The following CAV2 variants were observed in gnomAD, a reference collection of about 807,000 sequenced individuals.
CAV2 encodes the protein caveolin 2.
A neutral mutation model predicts 15.5 loss-of-function variants in CAV2; 7 were observed. That is an observed-to-expected ratio of 0.45 (90% CI 0.26 to 0.85). The LOEUF (loss-of-function observed/expected upper bound fraction) is 0.85, where lower values mean the gene tolerates loss of function less well. CAV2 is among the 40% of genes least tolerant of loss of function. The pLI is 0.18. For synonymous variants in CAV2, 76 were observed against 83.1 expected, an observed-to-expected ratio of 0.91 and a Z score of 0.46; for missense variants, 229 against 208.8, an observed-to-expected ratio of 1.10 and a Z score of -0.60.
rs1246086624 is a variant in CAV2 at position 116,500,532 on chromosome 7, A to T, written c.338+85A>T. 4 of 1,366,112 alleles carry T rather than the reference A, an allele frequency of 2.9e-6. No homozygotes were observed. The East Asian group carries it at 9.3e-5, about 32-fold the overall frequency. 84.6% of individuals were successfully genotyped at this position (1,366,112 alleles called of 1,614,324 possible). A position where few individuals can be genotyped will look rare whatever the true frequency, so the allele number is the denominator to read the frequency against. On this transcript the variant is annotated intron_variant, in intron 2 of 2. Transcript: ENST00000222693. ...CTGCCCCCTACTCTCCTCTTATCCC[A>T]GGCCGGCGTCAGGAGGAGGAACGCG...
intron 2 of CAV2, among the ~76,000 whole-genome samples, chr7:116,501,640 G>A (rs1240456137): frequency 6.6e-6 from 1 of 152,168 alleles, no homozygotes; most frequent in Non-Finnish European, 1.5e-5. Context: ...AGCCTTATCA[G>A]GGCAGCTGGC....
intron 2 of CAV2, among the ~76,000 whole-genome samples, chr7:116,504,050 GAGAAAGAA>G (rs71773582): frequency 1.3e-5 from 2 of 150,702 alleles, no homozygotes; most frequent in East Asian, 1.9e-4. Flanking sequence ...AAGAAAGAAA[GAGAAAGAA>G]AGAAAGAAGG....
At position 116,499,837 on chromosome 7, in the gene CAV2, A is replaced by C; in HGVS notation, c.56A>C (p.Tyr19Ser). 1 of 1,606,944 alleles carries C rather than the reference A, an allele frequency of 6.2e-7. No homozygotes were observed. Among genetic ancestry groups the C allele is most frequent in the Non-Finnish European group, 8.5e-7 (1 of 1,177,738 alleles). The part of the protein sequence containing the change: ...DVQLFMDDDS[Y>S]SHHSGLEYAD... ...CAGCTCTTCATGGACGACGACTCCT[A>C]CAGCCACCACAGCGGCCTCGAGTAC... Residue 19 changes from tyrosine to serine, a missense_variant, in exon 1 of 3, where the codon TAC becomes TCC. Physicochemically the swap from Tyr to Ser is moderately radical, Grantham distance 144 (BLOSUM62 -2). Transcript: ENST00000222693.
chr7:116,505,941 T>C (rs1190116584), intron 2 of CAV2, 30 bp from the exon 3 acceptor site: 2 of 1,528,494 alleles, frequency 1.3e-6, no homozygotes, highest in African/African-American at 2.7e-5. Context: ...ACAGCAACAA[T>C]CCTCACACAT....
At chr7:116,502,770 A>T (rs1793134383) in intron 2 of CAV2, among the ~76,000 whole-genome samples, 1 of 152,218 alleles carries the variant, frequency 6.6e-6, no homozygotes, top group Non-Finnish European at 1.5e-5. Flanking sequence ...ACAATAAAAC[A>T]CAGAAGTCTG....
rs1298781636 is a variant in CAV2, at chr7:116,507,205, CAG to C, written c.*1085_*1086del. 3.9e-5 allele frequency: 6 copies of C among 152,542 alleles called. No homozygotes were observed. The highest frequency in any genetic ancestry group is 6.5e-5 in the Admixed American group (1 of 15,274). The allele number at this position is 152,542 out of a possible 1,614,324, so 9.4% of individuals were successfully genotyped here. On this transcript the variant is annotated 3_prime_UTR_variant, in exon 3 of 3. Coordinates refer to ENST00000222693, the MANE Select transcript of CAV2 (RefSeq NM_001233.5). ...AACTACAGTGATTCATGTAGAGAGACAGGGGAGTTGTCAACTTGGGCTACTGA... is the reference window on the plus strand; with the variant it reads ...AACTACAGTGATTCATGTAGAGAGACGGGAGTTGTCAACTTGGGCTACTGA...
chr7:116,503,496 G>A (rs1361667789), intron 2 of CAV2, among the ~76,000 whole-genome samples: 1 of 152,212 alleles, frequency 6.6e-6, no homozygotes, highest in African/African-American at 2.4e-5. Context: ...AGGAGTCACG[G>A]AGATAGAAAA....
chr7:116,501,350 C>G (rs1793100242), intron 2 of CAV2: 1 of 152,222 alleles, frequency 6.6e-6, no homozygotes, highest in African/African-American at 2.4e-5. Context: ...AGTTGTCACG[C>G]TAGTGCTTCA....
Position 116,505,841 on chromosome 7 carries a change from A to G in CAV2, c.339-130A>G, listed in dbSNP as rs1793222085. On this transcript the variant is annotated intron_variant, in intron 2 of 2. Transcript: ENST00000222693. ...AAATCATTATCAGTGATCATTGTTC[A>G]TTTATTTGTTTCAAACTCTCAACCA... The G allele has an allele frequency of 2.1e-5, 13 of 613,704 alleles. No individual in the cohort carries two copies. The Admixed American group carries it at 4.1e-4, about 19-fold the overall frequency. 38.0% of individuals were successfully genotyped at this position (613,704 alleles called of 1,614,324 possible). A position where few individuals can be genotyped will look rare whatever the true frequency, so the allele number is the denominator to read the frequency against.
chr7:116,505,011 G>T lies in CAV2; in HGVS notation c.339-960G>T, dbSNP rs543152417. Among the ~76,000 whole-genome samples, 3 of 152,176 alleles carry T rather than the reference G, an allele frequency of 2.0e-5. No individual in the cohort carries two copies. In the East Asian group the frequency reaches 5.8e-4, roughly 29 times the overall value. On this transcript the variant is annotated intron_variant, in intron 2 of 2. Coordinates refer to ENST00000222693, the MANE Select transcript of CAV2 (RefSeq NM_001233.5). ...TATGTTAGCTCAACCATTTACTAAGGGTCAAGGATGTCCTCACTGTTTAAA... is the reference window on the plus strand; with the variant it reads ...TATGTTAGCTCAACCATTTACTAAGTGTCAAGGATGTCCTCACTGTTTAAA...
In CAV2 at chr7:116,500,378, T is replaced by C. The variant is rs1793073209; in HGVS notation, c.269T>C (p.Val90Ala). The change falls in exon 2 of 3, where the codon GTG becomes GCG. Residue 90 changes from valine to alanine, a missense_variant. Val to Ala is a moderately conservative substitution (Grantham distance 64, BLOSUM62 0). Transcript: ENST00000222693. ...TACGTAATGTACAAGTTCCTGACGGTGTTCCTGGCCATTCCCCTGGCCTTC... is the reference window on the plus strand; with the variant it reads ...TACGTAATGTACAAGTTCCTGACGGCGTTCCTGGCCATTCCCCTGGCCTTC... The part of the protein sequence containing the change: ...SKYVMYKFLT[V>A]FLAIPLAFIA... The C allele has an allele frequency of 1.2e-6, 2 of 1,614,092 alleles. No homozygotes were observed. The highest frequency in any genetic ancestry group is 2.7e-5 in the African/African-American group (2 of 74,936).
chr7:116,505,438 C>A (rs561632724), intron 2 of CAV2, among the ~76,000 whole-genome samples: 2 of 152,094 alleles, frequency 1.3e-5, no homozygotes, highest in Non-Finnish European at 2.9e-5. Context: ...TGAAGGAATA[C>A]CTGAGACTAG....
rs952045003 is a variant in CAV2, at chr7:116,507,979, C to T, written c.*1858C>T. 2.0e-5 allele frequency: 3 copies of T among 152,168 alleles called. No individual in the cohort carries two copies. The allele number at this position is 152,168 out of a possible 1,614,324, so 9.4% of individuals were successfully genotyped here. ...AAATGAATGATTAAATTATGAAGCT[C>T]ATATCCTTTTGAAGGTAGTTGCAAA... On this transcript the variant is annotated 3_prime_UTR_variant, in exon 3 of 3. Coordinates refer to ENST00000222693, the MANE Select transcript of CAV2 (RefSeq NM_001233.5).
intron 2 of CAV2, 96 bp downstream of exon 2, chr7:116,500,543 A>C: frequency 2.4e-6 from 3 of 1,237,432 alleles, no homozygotes; most frequent in Non-Finnish European, 3.4e-6. Flanking sequence ...GGCCGGCGTC[A>C]GGAGGAGGAA....
At chr7:116,500,008 C>T (rs1793053906) in intron 1 of CAV2, 77 bp downstream of exon 1, 1 of 1,545,942 alleles carries the variant, frequency 6.5e-7, no homozygotes, top group Non-Finnish European at 8.7e-7. Context: ...CGCCCTAACC[C>T]GTCCCACCAT....
In CAV2 at chr7:116,499,923, C is replaced by T. The variant is rs1450261595; in HGVS notation, c.142C>T (p.His48Tyr). The T allele has an allele frequency of 7.4e-6, 12 of 1,611,384 alleles. No homozygotes were observed. Among genetic ancestry groups the T allele is most frequent in the Non-Finnish European group, 9.3e-6 (11 of 1,179,302 alleles). The change falls in exon 1 of 3, where the codon CAT becomes TAT. Residue 48 changes from histidine to tyrosine, a missense_variant. Coordinates refer to ENST00000222693, the MANE Select transcript of CAV2 (RefSeq NM_001233.5). ...CCGGGATCCCCACCGGCTCAACTCGCATCTCAAGGTGAAGCCCGGGGCGGG... is the reference window on the plus strand; with the variant it reads ...CCGGGATCCCCACCGGCTCAACTCGTATCTCAAGGTGAAGCCCGGGGCGGG... ...QDRDPHRLNS[H>Y]LKLGFEDVIA...
At position 116,500,433 on chromosome 7, in the gene CAV2, C is replaced by T; in HGVS notation, c.324C>T (p.Ser108=). Residue 108 remains serine (S), a synonymous_variant, in exon 2 of 3, where the codon AGC becomes AGT. Transcript: ENST00000222693. ...FIAGILFATL[S]CLHIWILMPF... ...CGGGAATTCTCTTTGCCACCCTCAG[C>T]TGTCTGCACATCTGGTGAGACGGGG... The T allele has an allele frequency of 6.2e-7, 1 of 1,613,234 alleles. No individual in the cohort carries two copies. Among genetic ancestry groups the T allele is most frequent in the Non-Finnish European group, 8.5e-7 (1 of 1,179,618 alleles).
rs578056200 is a variant in CAV2 at position 116,507,274 on chromosome 7, A to C, written c.*1153A>C. ...AAAAACTAACAGCTACAAACTTTTA[A>C]GATTTCTCTAATATTGGTATGTAAC... On this transcript the variant is annotated 3_prime_UTR_variant, in exon 3 of 3. Transcript: ENST00000222693. 6.6e-6 allele frequency: 1 copy of C among 152,302 alleles called. No individual in the cohort carries two copies. The highest frequency in any genetic ancestry group is 1.9e-4 in the East Asian group (1 of 5,202). The allele number at this position is 152,302 out of a possible 1,614,324, so 9.4% of individuals were successfully genotyped here. A position where few individuals can be genotyped will look rare whatever the true frequency, so the allele number is the denominator to read the frequency against.
In CAV2 at chr7:116,499,827, G is replaced by C; in HGVS notation, c.46G>C (p.Asp16His). 6.2e-7 allele frequency: 1 copy of C among 1,603,442 alleles called. No homozygotes were observed. The highest frequency in any genetic ancestry group is 8.5e-7 in the Non-Finnish European group (1 of 1,176,350). The change falls in exon 1 of 3, where the codon GAC (aspartate) becomes CAC (histidine). Residue 16 changes from aspartate to histidine, a missense_variant. Physicochemically the swap from Asp to His is moderately conservative, Grantham distance 81. Coordinates refer to ENST00000222693, the MANE Select transcript of CAV2 (RefSeq NM_001233.5). ...EKADVQLFMD[D>H]DSYSHHSGLE... is the part of the protein sequence containing the mutation. ...GGCGGACGTACAGCTCTTCATGGAC[G>C]ACGACTCCTACAGCCACCACAGCGG...
Sources: gnomAD v4.1 joint callset for allele counts (sites outside exome capture counted in the v4.1 genomes callset) on GRCh38, gnomAD v4.1.1 for gene constraint, MANE v1.5 for transcripts, NCBI Gene and HGNC (gene_info 2026-07-23, HGNC 2026-07-21) for gene names.